ATPAF2: variants seen among roughly 807,000 people sequenced by gnomAD.
ATPAF2 encodes the protein ATP12 homolog.
Under a neutral mutation model 36.6 loss-of-function variants are expected in ATPAF2, and 30 were observed. The ratio of observed to expected loss-of-function variants is 0.82; its 90% CI spans 0.61 to 1.11. The LOEUF is 1.11. Ranked by LOEUF, ATPAF2 falls within the 50% of genes most tolerant of loss-of-function variation. The pLI is 0.00. For missense variants in ATPAF2, 321 were observed against 372.3 expected (o/e 0.86, Z 1.13); for synonymous variants, 140 against 152.6 (o/e 0.92, Z 0.61).
chr17:18,015,989 C>G (rs2044347052), downstream of ATPAF2: 1 of 1,542,244 alleles, frequency 6.5e-7, no homozygotes, highest in Non-Finnish European at 8.8e-7. Context: ...CCAAATGCTC[C>G]TTCTCTGTTC....
intron 1 of ATPAF2, among the ~76,000 whole-genome samples, chr17:18,031,934 T>A (rs2044642210): frequency 6.6e-6 from 1 of 152,204 alleles, no homozygotes; most frequent in South Asian, 2.1e-4. Flanking sequence ...GCTTTTAAAT[T>A]TCTCTACATG....
intron 1 of ATPAF2, among the ~76,000 whole-genome samples, chr17:18,033,249 A>G (rs1387923427): frequency 6.6e-6 from 1 of 151,832 alleles, no homozygotes; most frequent in Non-Finnish European, 1.5e-5. Flanking sequence ...CCTGCCTGTA[A>G]TACCAGCTAC....
intron 1 of ATPAF2, among the ~76,000 whole-genome samples, chr17:18,036,929 C>A (rs142014497): frequency 0.018 from 2,774 of 151,614 alleles, 93 homozygotes; most frequent in African/African-American, 0.063. Context: ...AAATTAGCCA[C>A]GTGTGGTGGC....
intron 4 of ATPAF2, 112 bp from the exon 5 acceptor site, chr17:18,024,816 C>T (rs1280788360): frequency 1.5e-5 from 13 of 869,084 alleles, no homozygotes; most frequent in Non-Finnish European, 1.5e-5. Context: ...ACCACCATCC[C>T]AGCCCCACAA....
intron 1 of ATPAF2, among the ~76,000 whole-genome samples, chr17:18,028,937 T>G (rs1008117123): frequency 1.3e-5 from 2 of 152,160 alleles, no homozygotes; most frequent in Non-Finnish European, 2.9e-5. Context: ...ATCAGGAGCA[T>G]CTCGGCATGC....
intron 5 of ATPAF2, among the ~76,000 whole-genome samples, chr17:18,023,857 T>C (rs2044506003): frequency 1.3e-5 from 2 of 152,224 alleles, no homozygotes; most frequent in Admixed American, 6.5e-5. Context: ...CCTTCCAAAT[T>C]TCCCTTGGGA....
At chr17:18,032,019 A>G (rs1369365231) in intron 1 of ATPAF2, among the ~76,000 whole-genome samples, 1 of 152,120 alleles carries the variant, frequency 6.6e-6, no homozygotes, top group African/African-American at 2.4e-5. Flanking sequence ...GTCTGGAGTG[A>G]GGTAGACCAT....
intron 1 of ATPAF2, among the ~76,000 whole-genome samples, chr17:18,032,762 C>T (rs148910332): frequency 6.6e-6 from 1 of 151,576 alleles, no homozygotes; most frequent in Non-Finnish European, 1.5e-5. Flanking sequence ...GGGGCAGGCA[C>T]GTGGAACGAT....
chr17:18,016,584 C>T, downstream of ATPAF2: 1 of 1,613,760 alleles, frequency 6.2e-7, no homozygotes. Context: ...TCATGAGGAA[C>T]CGCAAGCGCG....
At chr17:18,028,567 TCA>T in intron 2 of ATPAF2, 46 bp downstream of exon 2, 2 of 1,167,932 alleles carry the variant, frequency 1.7e-6, no homozygotes, top group Non-Finnish European at 2.3e-6. Context: ...TCCCAACCAT[TCA>T]CAAAAAAAAA....
chr17:18,024,477 T>C (rs752204383), intron 5 of ATPAF2, 147 bp downstream of exon 5: 10 of 728,310 alleles, frequency 1.4e-5, no homozygotes, highest in Non-Finnish European at 2.4e-5. Context: ...TCCCTGATCA[T>C]ATGAGGGGAG....
intron 5 of ATPAF2, among the ~76,000 whole-genome samples, chr17:18,022,751 A>G (rs2044487636): frequency 6.6e-6 from 1 of 152,034 alleles, no homozygotes; most frequent in South Asian, 2.1e-4. Context: ...AACTAAATAA[A>G]ACAGAAAAAC....
At position 18,021,136 on chromosome 17, in the gene ATPAF2, T is replaced by C; in HGVS notation, c.719A>G (p.Glu240Gly). The change falls in exon 7 of 8, where the codon GAG becomes GGG. Residue 240 changes from glutamate to glycine, a missense_variant. Transcript: ENST00000474627. ...GCTGCTCCTCACCTGGTACTCCTCC[T>C]CCAGGCGTGACAGCAGCACGGCCTG... ...VEQAVLLSRL[E>G]EEYQIQKWGN... 6.2e-7 allele frequency: 1 copy of C among 1,613,602 alleles called. No individual in the cohort carries two copies.
chr17:18,038,732 C>T, intron 1 of ATPAF2, 149 bp downstream of exon 1: 1 of 1,158,696 alleles, frequency 8.6e-7, no homozygotes, highest in Non-Finnish European at 1.2e-6. Context: ...GTCTGGGCTT[C>T]ACTTTCTCAT....
chr17:18,023,208 A>G (rs544046211), intron 5 of ATPAF2, among the ~76,000 whole-genome samples: 5 of 151,728 alleles, frequency 3.3e-5, no homozygotes, highest in African/African-American at 1.2e-4. Context: ...GAGGTGGGCA[A>G]TCACTTGAGG....
At chr17:18,031,200 C>T (rs1366453855) in intron 1 of ATPAF2, among the ~76,000 whole-genome samples, 2 of 151,120 alleles carry the variant, frequency 1.3e-5, no homozygotes, top group African/African-American at 2.4e-5. Context: ...TGGTCTCGAT[C>T]TCCTGACCTC....
chr17:18,016,112 G>A (rs202171250), downstream of ATPAF2: 83 of 1,613,924 alleles, frequency 5.1e-5, no homozygotes, highest in East Asian at 1.3e-3. Context: ...GGCATCGCAC[G>A]ACATCCACCT....
chr17:18,026,898 G>A (rs1473829222), intron 3 of ATPAF2: 1 of 175,982 alleles, frequency 5.7e-6, no homozygotes, highest in Non-Finnish European at 1.2e-5. Context: ...TAGAAAGTAG[G>A]GAAATAGCCC....
chr17:18,020,792 C>T (rs1487276588), intron 7 of ATPAF2: 5 of 277,628 alleles, frequency 1.8e-5, no homozygotes, highest in South Asian at 4.1e-5. Flanking sequence ...AATCCTCCCA[C>T]GTCAGCTTCC....
Sources: gnomAD v4.1 joint callset for allele counts (sites outside exome capture counted in the v4.1 genomes callset) on GRCh38, gnomAD v4.1.1 for gene constraint, MANE v1.5 for transcripts, NCBI Gene and HGNC (gene_info 2026-07-23, HGNC 2026-07-21) for gene names.